Variants in CAMSAP1 observed in about 807,000 individuals in gnomAD.
The protein encoded by CAMSAP1 is calmodulin regulated spectrin associated protein 1.
Under a neutral mutation model 143.5 loss-of-function variants are expected in CAMSAP1, and 58 were observed. The ratio of observed to expected loss-of-function variants is 0.40; its 90% CI spans 0.33 to 0.50. CAMSAP1 has a LOEUF of 0.50. Among genes scored for constraint, CAMSAP1 ranks in the 20% least tolerant of loss-of-function variants. The pLI is 0.45. For synonymous variants in CAMSAP1, 945 were observed against 859.3 expected (o/e 1.10, Z -1.74); for missense variants, 1,969 against 2,115.7 (o/e 0.93, Z 1.36).
chr9:135,861,418 T>C (rs917601625), intron 5 of CAMSAP1, among the ~76,000 whole-genome samples: 1 of 151,610 alleles, frequency 6.6e-6, no homozygotes, highest in Non-Finnish European at 1.5e-5. Flanking sequence ...GTTCAGACAA[T>C]TCTCCTGTTT....
intron 7 of CAMSAP1, among the ~76,000 whole-genome samples, chr9:135,842,162 G>C (rs1002081251): frequency 6.6e-6 from 1 of 152,208 alleles, no homozygotes; most frequent in Non-Finnish European, 1.5e-5. Flanking sequence ...CAAATGACTT[G>C]ACGGAGCTGA....
At chr9:135,819,825 C>T (rs990940923) in intron 11 of CAMSAP1, among the ~76,000 whole-genome samples, 1 of 150,840 alleles carries the variant, frequency 6.6e-6, no homozygotes, top group Non-Finnish European at 1.5e-5. Context: ...CCAGCCTGGG[C>T]GACAGAGCCA....
At chr9:135,903,336 T>C (rs1034711132) in intron 1 of CAMSAP1, among the ~76,000 whole-genome samples, 2 of 152,242 alleles carry the variant, frequency 1.3e-5, no homozygotes, top group African/African-American at 4.8e-5. Context: ...ACATTATTTC[T>C]TTAAAAAATG....
At position 135,811,299 on chromosome 9, in the gene CAMSAP1, T is replaced by G. The variant is rs368983345; in HGVS notation, c.*10A>C. On this transcript the variant is annotated 3_prime_UTR_variant, in exon 17 of 17. Transcript: ENST00000389532. This position sits in a 1 kb window ranked among gnomAD's most constrained non-coding sequence, Gnocchi z 4.9. ...TCTGGGTCACCCTTTGGACGCCAGC[T>G]GCACCGGGGTCATTTACGAGTCTGG... 2.1e-5 allele frequency: 33 copies of G among 1,609,464 alleles called. No homozygotes were observed. In the African/African-American group the frequency reaches 3.6e-4, roughly 18 times the overall value.
rs180704188 is a variant in CAMSAP1, at chr9:135,877,252, C to T, written c.585+4381G>A. On this transcript the variant is annotated intron_variant, in intron 3 of 16. Transcript: ENST00000389532. Reference sequence around the variant, plus strand: ...AGCCAAACACAAGAAGAGCACACACCGCACAACTTCACTTTTATCAAAACC... The same window carrying T: ...AGCCAAACACAAGAAGAGCACACACTGCACAACTTCACTTTTATCAAAACC... Among the ~76,000 whole-genome samples the T allele has an allele frequency of 1.2e-3, 184 of 151,854 alleles. 2 individuals carry two copies. Among genetic ancestry groups the T allele is most frequent in the Non-Finnish European group, 3.8e-4 (26 of 67,936 alleles).
At position 135,843,303 on chromosome 9, in the gene CAMSAP1, GACA is replaced by G. The variant is rs1003651220; in HGVS notation, c.1045+6831_1045+6833del. ...GACCACACCATTGCACTCCAGCCTG[GACA>G]ACAAGAGCGAAACTCCATCTCAAAA... is the stretch of plus-strand genomic sequence containing the variant. On this transcript the variant is annotated intron_variant, in intron 7 of 16. Transcript: ENST00000389532. 7.9e-5 allele frequency among the ~76,000 whole-genome samples: 12 copies of G among 152,078 alleles called. No individual in the cohort carries two copies. The South Asian group carries it at 2.1e-3, about 26-fold the overall frequency.
At chr9:135,836,443 A>C in intron 7 of CAMSAP1, 1 of 976,556 alleles carries the variant, frequency 1.0e-6, no homozygotes, top group Non-Finnish European at 1.2e-6. Context: ...CACACTTTCT[A>C]CCCTGTTCTA....
At chr9:135,892,570 T>G (rs1379125139) in intron 1 of CAMSAP1, among the ~76,000 whole-genome samples, 1 of 151,462 alleles carries the variant, frequency 6.6e-6, no homozygotes, top group Non-Finnish European at 1.5e-5. Flanking sequence ...CAACAAATCA[T>G]GGCCAGGTGC....
In CAMSAP1 at chr9:135,849,579, G is replaced by C. The variant is rs189962129; in HGVS notation, c.1045+558C>G. On this transcript the variant is annotated intron_variant, in intron 7 of 16. Transcript: ENST00000389532. ...AGCTCTTTATATATTCTGGATACTA[G>C]TTATTTATCTACCACATACATTGCA... Among the ~76,000 whole-genome samples the C allele has an allele frequency of 6.6e-5, 10 of 152,158 alleles. No homozygotes were observed. The East Asian group carries it at 1.7e-3, about 26-fold the overall frequency.
intron 7 of CAMSAP1, among the ~76,000 whole-genome samples, chr9:135,845,584 T>C (rs567190102): frequency 6.6e-6 from 1 of 152,342 alleles, no homozygotes; most frequent in African/African-American, 2.4e-5. Context: ...ATTGTCTCTG[T>C]TTGCAGATGA....
In CAMSAP1 at chr9:135,822,921, C is replaced by T. The variant is rs1240096226; in HGVS notation, c.1740G>A (p.Leu580=). The T allele has an allele frequency of 6.2e-7, 1 of 1,613,914 alleles. No homozygotes were observed. The part of the protein sequence containing the change: ...TANARSPQGQ[L]DTSESKPDSF... The stretch of plus-strand genomic sequence containing the variant: ...TGTCAGGCTTACTTTCCGAGGTGTC[C>T]AGCTGTCCTTGGGGAGACCGGGCAT... Residue 580 remains leucine (L), a synonymous_variant, in exon 11 of 17, where the codon CTG becomes CTA. Transcript: ENST00000389532. The surrounding 1 kb of genome is among the most constrained non-coding windows in gnomAD (Gnocchi z 6.1).
At chr9:135,892,867 A>AAG (rs1554800261) in intron 1 of CAMSAP1, among the ~76,000 whole-genome samples, 4 of 147,750 alleles carry the variant, frequency 2.7e-5, no homozygotes, top group African/African-American at 1.0e-4. Flanking sequence ...AAAAAAAAAA[A>AAG]GAACTAATCA....
intron 7 of CAMSAP1, chr9:135,836,655 T>G: frequency 1.0e-6 from 1 of 983,630 alleles, no homozygotes; most frequent in Non-Finnish European, 1.2e-6. Context: ...ATCACGCACT[T>G]TCTACCCCGT....
intron 1 of CAMSAP1, among the ~76,000 whole-genome samples, chr9:135,886,631 C>T (rs1040524764): frequency 1.2e-4 from 18 of 152,146 alleles, no homozygotes; most frequent in African/African-American, 4.1e-4. Flanking sequence ...CAGGCTTAGG[C>T]GGGCACACAA....
At chr9:135,872,113 G>C (rs1382927050) in intron 3 of CAMSAP1, among the ~76,000 whole-genome samples, 2 of 151,756 alleles carry the variant, frequency 1.3e-5, no homozygotes, top group South Asian at 4.2e-4. Context: ...AAAAAAAAAC[G>C]GAAGAGATCC....
chr9:135,814,986 C>T (rs999611260), intron 16 of CAMSAP1, 111 bp downstream of exon 16: 23 of 792,560 alleles, frequency 2.9e-5, no homozygotes, highest in Non-Finnish European at 4.7e-5. Flanking sequence ...TGCATTCTCC[C>T]TAGTAACTCT....
In CAMSAP1 at chr9:135,907,084, GGTCGGCGGCGCC is replaced by G. The variant is rs1225617109; in HGVS notation, c.64_75del (p.Gly22_Asp25del). Reference sequence around the variant, plus strand: ...GCGTCGTAGCGGTCCAGGGGCACGAGGTCGGCGGCGCCGTCCGGCGGGGCCTCCATCTTCCTC... The same window carrying G: ...GCGTCGTAGCGGTCCAGGGGCACGAGGTCCGGCGGGGCCTCCATCTTCCTC... On this transcript the variant is annotated inframe_deletion, in exon 1 of 17. Coordinates refer to ENST00000389532, the MANE Select transcript of CAMSAP1 (RefSeq NM_015447.4). 3.0e-5 allele frequency: 35 copies of G among 1,159,480 alleles called. No individual in the cohort carries two copies. In the East Asian group the frequency reaches 1.2e-3, roughly 41 times the overall value. 71.8% of individuals were successfully genotyped at this position (1,159,480 alleles called of 1,614,324 possible). A position where few individuals can be genotyped will look rare whatever the true frequency, so the allele number is the denominator to read the frequency against.
chr9:135,843,953 A>G (rs1248225886), intron 7 of CAMSAP1, among the ~76,000 whole-genome samples: 4 of 152,124 alleles, frequency 2.6e-5, no homozygotes, highest in Admixed American at 2.0e-4. Context: ...CCAGATTCAT[A>G]AAGCAAGTTC....
intron 7 of CAMSAP1, among the ~76,000 whole-genome samples, chr9:135,842,726 A>G (rs1836402492): frequency 6.6e-6 from 1 of 152,248 alleles, no homozygotes; most frequent in African/African-American, 2.4e-5. Context: ...CCAGAATTTC[A>G]TATCCAGCCA....
Sources: allele counts gnomAD v4.1 joint callset (sites outside exome capture counted in the v4.1 genomes callset), GRCh38; gene constraint gnomAD v4.1.1; non-coding constraint Gnocchi (gnomAD v3.1); transcripts MANE v1.5; gene names NCBI Gene and HGNC (gene_info 2026-07-23, HGNC 2026-07-21).